The following TSNAXIP1 variants were observed in gnomAD, a reference collection of about 807,000 sequenced individuals.
TSNAXIP1 encodes the protein translin-associated factor X-interacting protein 1.
In TSNAXIP1, 89 loss-of-function variants were observed where a neutral mutation model predicts 84.8. The ratio of observed to expected loss-of-function variants is 1.05; its 90% CI spans 0.88 to 1.25. The LOEUF is 1.25. TSNAXIP1 is among the 50% of genes most tolerant of loss of function. The pLI, the probability that TSNAXIP1 is intolerant of heterozygous loss-of-function variation, is 0.00. For synonymous variants in TSNAXIP1, 347 were observed against 335.2 expected (o/e 1.04, Z -0.39); for missense variants, 874 against 887.6 (o/e 0.98, Z 0.20).
chr16:67,823,706 T>A lies in TSNAXIP1; in HGVS notation c.468T>A (p.Tyr156Ter). 1 of 1,612,960 alleles carries A rather than the reference T, an allele frequency of 6.2e-7. No individual in the cohort carries two copies. The highest frequency in any genetic ancestry group is 8.5e-7 in the Non-Finnish European group (1 of 1,179,434). Residue 156 changes from tyrosine to a stop codon, truncating the protein, a stop_gained, in exon 5 of 16, where the codon TAT becomes TAA. Transcript: ENST00000561639. LOFTEE classifies it high-confidence loss of function. ...TACTATCCTCCATCAAGAATGCGTATGAGGGGATGCTGGGTAAGAATGCAC... is the reference window on the plus strand; with the variant it reads ...TACTATCCTCCATCAAGAATGCGTAAGAGGGGATGCTGGGTAAGAATGCAC... ...KPLLSSIKNA[Y>*]EGMLAHQREK... is the part of the protein sequence containing the mutation.
chr16:67,824,392 C>T (rs2057289493), intron 5 of TSNAXIP1, among the ~76,000 whole-genome samples, 191 bp from the exon 6 acceptor site: 1 of 152,176 alleles, frequency 6.6e-6, no homozygotes, highest in Non-Finnish European at 1.5e-5. Context: ...CCCCGGTCTT[C>T]ATCTGAACTC....
chr16:67,827,801 C>T lies in TSNAXIP1; in HGVS notation c.1947C>T (p.Ile649=), dbSNP rs1233048878. 17 of 1,614,020 alleles carry T rather than the reference C, an allele frequency of 1.1e-5. No homozygotes were observed. Among genetic ancestry groups the T allele is most frequent in the South Asian group, 2.2e-5 (2 of 91,084 alleles). The change falls in exon 16 of 16, where the codon ATC becomes ATT. Residue 649 remains isoleucine, a synonymous_variant. Transcript: ENST00000561639. ...LPKLRGGLMT[I]DPSLDKQTVN... Reference sequence around the variant, plus strand: ...AGCTGCGAGGGGGCCTGATGACCATCGACCCCAGCCTGGACAAGCAGACAG... The same window carrying T: ...AGCTGCGAGGGGGCCTGATGACCATTGACCCCAGCCTGGACAAGCAGACAG...
intron 1 of TSNAXIP1, among the ~76,000 whole-genome samples, chr16:67,809,440 A>G (rs1029094522): frequency 6.7e-6 from 1 of 148,222 alleles, no homozygotes. Context: ...GCCTGGCAGC[A>G]GAGTGAGACT....
At chr16:67,825,643 C>A (rs1285510716) in intron 7 of TSNAXIP1, 24 bp from the exon 8 acceptor site, 3 of 1,594,992 alleles carry the variant, frequency 1.9e-6, no homozygotes, top group Non-Finnish European at 2.6e-6. Flanking sequence ...GTGACACGGG[C>A]TGGTGGGCCC....
chr16:67,814,311 A>G lies in TSNAXIP1; in HGVS notation c.57A>G (p.Pro19=). The G allele has an allele frequency of 6.5e-7, 1 of 1,536,012 alleles. No individual in the cohort carries two copies. The highest frequency in any genetic ancestry group is 2.0e-5 in the Admixed American group (1 of 50,964). ...TCCCTTCTCTGTGCAGATTACAGCCACGGCCTTCAGGAGTGACCATAGACG... is the reference window on the plus strand; with the variant it reads ...TCCCTTCTCTGTGCAGATTACAGCCGCGGCCTTCAGGAGTGACCATAGACG... ...HSFSSASRLQ[P]RPSGVTIDES... The change falls in exon 2 of 16, where the codon CCA becomes CCG. Residue 19 remains proline, a synonymous_variant. Coordinates refer to ENST00000561639, the MANE Select transcript of TSNAXIP1 (RefSeq NM_001288990.3).
Position 67,827,805 on chromosome 16 carries a change from C to CCCAGCCTGGA in TSNAXIP1, c.1953_1962dup (p.Lys655GlnfsTer19). The CCCAGCCTGGA allele has an allele frequency of 6.2e-7, 1 of 1,614,110 alleles. No homozygotes were observed. The highest frequency in any genetic ancestry group is 1.1e-5 in the South Asian group (1 of 91,082). Reference sequence around the variant, plus strand: ...GCGAGGGGGCCTGATGACCATCGACCCCAGCCTGGACAAGCAGACAGTGAA... The same window carrying CCCAGCCTGGA: ...GCGAGGGGGCCTGATGACCATCGACCCCAGCCTGGACCAGCCTGGACAAGCAGACAGTGAA... On this transcript the variant is annotated frameshift_variant, in exon 16 of 16. Transcript: ENST00000561639. LOFTEE classifies it low-confidence loss of function (END_TRUNC).
intron 1 of TSNAXIP1, among the ~76,000 whole-genome samples, chr16:67,808,704 C>T (rs1260985076): frequency 6.6e-6 from 1 of 151,672 alleles, no homozygotes; most frequent in Non-Finnish European, 1.5e-5. Context: ...AAGATCACGC[C>T]ACTGCACTCT....
intron 2 of TSNAXIP1, among the ~76,000 whole-genome samples, chr16:67,816,184 G>C (rs1176738189): frequency 6.6e-6 from 1 of 151,500 alleles, no homozygotes; most frequent in Non-Finnish European, 1.5e-5. Flanking sequence ...GGCCAGGATG[G>C]TCTCGATCTC....
chr16:67,820,915 GA>G lies in TSNAXIP1; in HGVS notation c.228del (p.Lys76AsnfsTer11). On this transcript the variant is annotated frameshift_variant, in exon 3 of 16. Coordinates refer to ENST00000561639, the MANE Select transcript of TSNAXIP1 (RefSeq NM_001288990.3). LOFTEE classifies it high-confidence loss of function. ...AGTGGCCAGACCATTTTGCAAAATCGAAAACCCTGTTCAGATGACTACCGGA... is the reference window on the plus strand; with the variant it reads ...AGTGGCCAGACCATTTTGCAAAATCGAAACCCTGTTCAGATGACTACCGGA... ...YTSGQTILQN[R>X]KPCSDDYRKR... 6.2e-7 allele frequency: 1 copy of G among 1,604,536 alleles called. No individual in the cohort carries two copies. The highest frequency in any genetic ancestry group is 1.1e-5 in the South Asian group (1 of 89,466).
intron 5 of TSNAXIP1, among the ~76,000 whole-genome samples, chr16:67,824,156 C>T (rs1389340625): frequency 6.6e-6 from 1 of 152,106 alleles, no homozygotes; most frequent in Admixed American, 6.6e-5. Context: ...TCACCAAGGC[C>T]CCTCAGCCAT....
chr16:67,823,670 G>A lies in TSNAXIP1; in HGVS notation c.432G>A (p.Thr144=), dbSNP rs766401026. The change falls in exon 5 of 16, where the codon ACG becomes ACA. Residue 144 remains threonine, a synonymous_variant. Transcript: ENST00000561639. ...IFEFFIEDFK[T]YKPLLSSIKN... is the part of the protein sequence containing the mutation. Reference sequence around the variant, plus strand: ...AGTTCTTCATAGAGGACTTCAAAACGTACAAGCCATTACTATCCTCCATCA... The same window carrying A: ...AGTTCTTCATAGAGGACTTCAAAACATACAAGCCATTACTATCCTCCATCA... 6.8e-6 allele frequency: 11 copies of A among 1,613,634 alleles called. No homozygotes were observed. The highest frequency in any genetic ancestry group is 2.2e-5 in the East Asian group (1 of 44,864).
intron 6 of TSNAXIP1, 103 bp from the exon 7 acceptor site, chr16:67,825,034 G>A: frequency 6.1e-6 from 9 of 1,474,738 alleles, no homozygotes; most frequent in Non-Finnish European, 8.2e-6. Context: ...CCTGTTCACA[G>A]TCCCTGATGG....
At position 67,826,687 on chromosome 16, in the gene TSNAXIP1, C is replaced by T. The variant is rs190354931; in HGVS notation, c.1402-5C>T. 8.6e-4 allele frequency: 1,391 copies of T among 1,613,016 alleles called. 10 individuals carry two copies. The highest frequency in any genetic ancestry group is 1.6e-4 in the Non-Finnish European group (191 of 1,179,472). ...CTCTGACTGAGCATTTCCTCGATCC[C>T]GCAGAAAGAGACGTTCCCAGATTTC... On this transcript the variant is annotated splice_region_variant and splice_polypyrimidine_tract_variant and intron_variant, in intron 11 of 15. Coordinates refer to ENST00000561639, the MANE Select transcript of TSNAXIP1 (RefSeq NM_001288990.3).
At chr16:67,815,414 C>T (rs2056459775) in intron 2 of TSNAXIP1, among the ~76,000 whole-genome samples, 1 of 149,588 alleles carries the variant, frequency 6.7e-6, no homozygotes, top group African/African-American at 2.5e-5. Context: ...TGGCTCGCTG[C>T]AGTCTCAAAT....
chr16:67,823,740 A>G, intron 5 of TSNAXIP1, 21 bp downstream of exon 5: 2 of 1,603,302 alleles, frequency 1.2e-6, no homozygotes, highest in Non-Finnish European at 1.7e-6. Flanking sequence ...ACCTCCTGCC[A>G]GGCGTAGTGG....
chr16:67,824,018 C>CAA (rs10674785), intron 5 of TSNAXIP1, among the ~76,000 whole-genome samples: 20,581 of 88,598 alleles, frequency 0.23, 3,537 homozygotes, highest in African/African-American at 0.46. Flanking sequence ...GACTCCATCG[C>CAA]AAAAAAAAAA....
In TSNAXIP1 at chr16:67,827,399, T is replaced by C. The variant is rs183479727; in HGVS notation, c.1791+24T>C. On this transcript the variant is annotated intron_variant, in intron 14 of 15. Coordinates refer to ENST00000561639, the MANE Select transcript of TSNAXIP1 (RefSeq NM_001288990.3). The stretch of plus-strand genomic sequence containing the variant: ...AGGTGGGTGTGTGGGGTCCGGGGAC[T>C]GGCCTGGCCCCTGCCCTAGCCTTGG... 2,430 of 1,614,092 alleles carry C rather than the reference T, an allele frequency of 1.5e-3. 20 individuals are homozygous for C. In the African/African-American group the frequency reaches 0.022, roughly 15 times the overall value.
intron 12 of TSNAXIP1, 45 bp from the exon 13 acceptor site, chr16:67,826,915 CCCA>C (rs1567780475): frequency 1.9e-6 from 3 of 1,612,688 alleles, no homozygotes; most frequent in Non-Finnish European, 2.5e-6. Context: ...CAGCTTTGCC[CCCA>C]CCACTCCCAG....
chr16:67,823,085 T>C (rs540803444), intron 4 of TSNAXIP1, among the ~76,000 whole-genome samples: 6 of 152,300 alleles, frequency 3.9e-5, no homozygotes, highest in South Asian at 4.1e-4. Context: ...TGTCTGTCTA[T>C]GGTCATGGCA....
Sources: gnomAD v4.1 joint callset for allele counts (sites outside exome capture counted in the v4.1 genomes callset) on GRCh38, gnomAD v4.1.1 for gene constraint, MANE v1.5 for transcripts, NCBI Gene and HGNC (gene_info 2026-07-23, HGNC 2026-07-21) for gene names.